The following MOV10 variants were observed in gnomAD, a reference collection of about 807,000 sequenced individuals.
MOV10 encodes the protein RNA helicase MOV-10.
MOV10 carries 39 observed loss-of-function variants against 108.4 expected under a neutral mutation model. That is an observed-to-expected ratio of 0.36 (90% CI 0.28 to 0.47). The LOEUF is 0.47. Among genes scored for constraint, MOV10 ranks in the 20% least tolerant of loss-of-function variants. The probability of loss-of-function intolerance (pLI) is 1.00; values close to 1 mark genes in which losing one functional copy is unlikely to be tolerated. For missense variants in MOV10, 952 were observed against 1,297.6 expected, an observed-to-expected ratio of 0.73 and a Z score of 4.09; for synonymous variants, 490 against 523.1, an observed-to-expected ratio of 0.94 and a Z score of 0.86.
intron 14 of MOV10, 52 bp downstream of exon 14, chr1:112,696,898 C>A (rs1570806646): frequency 7.1e-7 from 1 of 1,412,928 alleles, no homozygotes. Flanking sequence ...TCACATCCTG[C>A]ATGCAGACCC....
At position 112,700,200 on chromosome 1, in the gene MOV10, A is replaced by G. The variant is rs770464279; in HGVS notation, c.2799-19A>G. The G allele has an allele frequency of 1.9e-6, 3 of 1,613,648 alleles. No homozygotes were observed. The highest frequency in any genetic ancestry group is 2.2e-5 in the South Asian group (2 of 91,040). On this transcript the variant is annotated intron_variant, in intron 19 of 20. Coordinates refer to ENST00000369645, the MANE Select transcript of MOV10 (RefSeq NM_001321324.2). ...GGCTTAGCCTCCAGTCTCTGCTGGCACTCCTCTGTACCCCACAGATTCCTG... is the reference window on the plus strand; with the variant it reads ...GGCTTAGCCTCCAGTCTCTGCTGGCGCTCCTCTGTACCCCACAGATTCCTG...
intron 12 of MOV10, 47 bp downstream of exon 12, chr1:112,696,298 AG>A: frequency 1.3e-6 from 2 of 1,486,426 alleles, no homozygotes; most frequent in Non-Finnish European, 1.9e-6. Context: ...GTGTAATTAA[AG>A]GGGTACCGGG....
At position 112,696,175 on chromosome 1, in the gene MOV10, G is replaced by T. The variant is rs753151960; in HGVS notation, c.1807G>T (p.Gly603Trp). The change falls in exon 12 of 21, where the codon GGG becomes TGG. Residue 603 changes from glycine to tryptophan, a missense_variant. By Grantham distance (184) the Gly-to-Trp change is radical. Coordinates refer to ENST00000369645, the MANE Select transcript of MOV10 (RefSeq NM_001321324.2). ...KPCCNWDAKK[G>W]EYVFPAKKKL... is the part of the protein sequence containing the mutation. ...CTGCTGCAACTGGGACGCAAAGAAGGGGGAGTATGTATTTCCCGCCAAGAA... is the reference window on the plus strand; with the variant it reads ...CTGCTGCAACTGGGACGCAAAGAAGTGGGAGTATGTATTTCCCGCCAAGAA... 1 of 1,613,856 alleles carries T rather than the reference G, an allele frequency of 6.2e-7. No homozygotes were observed. Among genetic ancestry groups the T allele is most frequent in the South Asian group, 1.1e-5 (1 of 90,960 alleles).
At chr1:112,698,946 G>A in intron 17 of MOV10, 157 bp downstream of exon 17, 2 of 674,678 alleles carry the variant, frequency 3.0e-6, no homozygotes, top group Non-Finnish European at 5.3e-6. Context: ...CACTCCTGGA[G>A]ATTCCAACTT....
intron 2 of MOV10, among the ~76,000 whole-genome samples, chr1:112,684,621 G>C (rs1453975193): frequency 1.3e-5 from 2 of 152,166 alleles, no homozygotes; most frequent in Non-Finnish European, 2.9e-5. Context: ...GATGTTGCCA[G>C]ATTGTTTTCC....
At chr1:112,687,594 T>C (rs1673177261) in intron 2 of MOV10, among the ~76,000 whole-genome samples, 1 of 152,202 alleles carries the variant, frequency 6.6e-6, no homozygotes, top group Non-Finnish European at 1.5e-5. Context: ...TGGCCTGTTG[T>C]GCAAAACTGT....
rs527303422 is a variant in MOV10, at chr1:112,694,167, C to T, written c.1290C>T (p.Ser430=). The change falls in exon 8 of 21, where the codon TCC becomes TCT. Residue 430 remains serine (S), a synonymous_variant. Coordinates refer to ENST00000369645, the MANE Select transcript of MOV10 (RefSeq NM_001321324.2). The surrounding 1 kb of genome is among the most constrained non-coding windows in gnomAD (Gnocchi z 4.1). ...VELDRVKLSF[S]MSLLSRFVDG... is the part of the protein sequence containing the mutation. Reference sequence around the variant, plus strand: ...TGGACCGTGTCAAGCTGAGCTTTTCCATGAGGTGGGTGTTGGGGGAACCCT... The same window carrying T: ...TGGACCGTGTCAAGCTGAGCTTTTCTATGAGGTGGGTGTTGGGGGAACCCT... 3.7e-6 allele frequency: 6 copies of T among 1,614,084 alleles called. No homozygotes were observed. The highest frequency in any genetic ancestry group is 5.1e-6 in the Non-Finnish European group (6 of 1,179,994).
In MOV10 at chr1:112,694,940, C is replaced by A; in HGVS notation, c.1620+44C>A. 6.4e-7 allele frequency: 1 copy of A among 1,570,488 alleles called. No homozygotes were observed. The highest frequency in any genetic ancestry group is 8.7e-7 in the Non-Finnish European group (1 of 1,153,972). On this transcript the variant is annotated intron_variant, in intron 10 of 20. Coordinates refer to ENST00000369645, the MANE Select transcript of MOV10 (RefSeq NM_001321324.2). This position sits in a 1 kb window ranked among gnomAD's most constrained non-coding sequence, Gnocchi z 4.1. ...CCTGGGGCCTGCACTCTGATTCCCC[C>A]AGCACCAAGCAGTTGTCCCCAGATT...
chr1:112,692,824 C>T lies in MOV10; in HGVS notation c.1035C>T (p.His345=). 2.5e-6 allele frequency: 4 copies of T among 1,614,084 alleles called. No homozygotes were observed. Among genetic ancestry groups the T allele is most frequent in the African/African-American group, 1.3e-5 (1 of 75,048 alleles). Residue 345 remains histidine (H), a synonymous_variant, in exon 7 of 21, where the codon CAC becomes CAT. Transcript: ENST00000369645. ...AGGTGAAGCTGCGGCTGCTGCTGCA[C>T]CTGGAGGAACTGCAGATGGAGCATG... ...NYEVKLRLLL[H]LEELQMEHDI...
chr1:112,684,194 G>C (rs1179370620), intron 2 of MOV10, among the ~76,000 whole-genome samples: 2 of 150,546 alleles, frequency 1.3e-5, no homozygotes, highest in Admixed American at 1.3e-4. Flanking sequence ...GGGCTCAAGT[G>C]ATCCTCCCAC....
chr1:112,688,950 C>T lies in MOV10; in HGVS notation c.153C>T (p.Ala51=). ...RDFKISFGTP[A]PGFSSMLYGM... Reference sequence around the variant, plus strand: ...CTTCTGGCAGCTTTGGGACCCCCGCCCCTGGCTTCTCCTCCATGCTGTATG... The same window carrying T: ...CTTCTGGCAGCTTTGGGACCCCCGCTCCTGGCTTCTCCTCCATGCTGTATG... The change falls in exon 3 of 21, where the codon GCC becomes GCT. Residue 51 remains alanine (A), a synonymous_variant. Transcript: ENST00000369645. 6.2e-7 allele frequency: 1 copy of T among 1,612,358 alleles called. No homozygotes were observed. The highest frequency in any genetic ancestry group is 2.2e-5 in the East Asian group (1 of 44,868).
chr1:112,678,357 A>G (rs776358700), intron 2 of MOV10, among the ~76,000 whole-genome samples: 1 of 152,136 alleles, frequency 6.6e-6, no homozygotes, highest in Non-Finnish European at 1.5e-5. Context: ...TTCTTCTACA[A>G]GTACTGGCTG....
rs1489400017 is a variant in MOV10, at chr1:112,675,847, G to A, written c.137+798G>A. The stretch of plus-strand genomic sequence containing the variant: ...AAAACCAAGAAGCAGTTTAACAAGG[G>A]TAAACGTAAAGACTTGTACAAATAA... On this transcript the variant is annotated intron_variant, in intron 2 of 20. Transcript: ENST00000369645. The surrounding 1 kb of genome is among the most constrained non-coding windows in gnomAD (Gnocchi z 4.7). Among the ~76,000 whole-genome samples, 1 of 152,214 alleles carries A rather than the reference G, an allele frequency of 6.6e-6. No homozygotes were observed. Among genetic ancestry groups the A allele is most frequent in the Non-Finnish European group, 1.5e-5 (1 of 68,030 alleles).
At chr1:112,682,602 C>G (rs976222737) in intron 2 of MOV10, among the ~76,000 whole-genome samples, 1 of 152,202 alleles carries the variant, frequency 6.6e-6, no homozygotes, top group Non-Finnish European at 1.5e-5. Flanking sequence ...TCACATCACT[C>G]CAGAAAGCTC....
At chr1:112,684,894 T>A (rs1349127783) in intron 2 of MOV10, 1 of 152,240 alleles carries the variant, frequency 6.6e-6, no homozygotes, top group African/African-American at 2.4e-5. Flanking sequence ...TAAGAAAATT[T>A]ATATATTATA....
intron 2 of MOV10, among the ~76,000 whole-genome samples, chr1:112,676,809 T>C (rs1672232520): frequency 6.6e-6 from 1 of 152,120 alleles, no homozygotes. Flanking sequence ...TAGGTGGGCC[T>C]AAGACTGAAG....
intron 2 of MOV10, among the ~76,000 whole-genome samples, chr1:112,681,520 C>T (rs1327495495): frequency 3.3e-5 from 5 of 152,034 alleles, no homozygotes; most frequent in Non-Finnish European, 5.9e-5. Flanking sequence ...ACATCATCCA[C>T]GTCCTACTCT....
intron 2 of MOV10, among the ~76,000 whole-genome samples, chr1:112,678,319 A>G (rs1178602749): frequency 6.6e-6 from 1 of 152,106 alleles, no homozygotes; most frequent in African/African-American, 2.4e-5. Flanking sequence ...CTGAGAGAAG[A>G]TGATTCTTGC....
Position 112,694,658 on chromosome 1 carries a change from GC to G in MOV10, c.1472+31del. The G allele has an allele frequency of 6.3e-7, 1 of 1,589,392 alleles. No homozygotes were observed. The highest frequency in any genetic ancestry group is 1.1e-5 in the South Asian group (1 of 87,250). On this transcript the variant is annotated intron_variant, in intron 9 of 20. Coordinates refer to ENST00000369645, the MANE Select transcript of MOV10 (RefSeq NM_001321324.2). The surrounding 1 kb of genome is among the most constrained non-coding windows in gnomAD (Gnocchi z 4.1). ...AGACTGTGGGCAGGGAGCTTCTGGA[GC>G]CACTTGGAGTGTGGGCACAGGGGGT... is the stretch of plus-strand genomic sequence containing the variant.
Sources: gnomAD v4.1 joint callset for allele counts (sites outside exome capture counted in the v4.1 genomes callset) on GRCh38, gnomAD v4.1.1 for gene constraint, Gnocchi (gnomAD v3.1) non-coding constraint, MANE v1.5 for transcripts, NCBI Gene and HGNC (gene_info 2026-07-23, HGNC 2026-07-21) for gene names.